The following ARHGEF3 variants were observed in gnomAD, a reference collection of about 807,000 sequenced individuals.
ARHGEF3 encodes the protein 59.8 kDA protein.
In ARHGEF3, 28 loss-of-function variants were observed where a neutral mutation model predicts 63.2. That is an observed-to-expected ratio of 0.44 (90% CI 0.33 to 0.61). The LOEUF (loss-of-function observed/expected upper bound fraction) is 0.61. Ranked by LOEUF, ARHGEF3 falls within the 20% of genes least tolerant of loss-of-function variation. The pLI is 0.03. For missense variants in ARHGEF3, 533 were observed against 659.3 expected (o/e 0.81, Z 2.10); for synonymous variants, 266 against 254.2 (o/e 1.05, Z -0.44).
rs368022709 is a variant in ARHGEF3 at position 56,946,974 on chromosome 3, G to A, written c.129+11849C>T. 1.6e-4 allele frequency among the ~76,000 whole-genome samples: 25 copies of A among 152,180 alleles called. No individual in the cohort carries two copies. The East Asian group carries it at 2.5e-3, about 15-fold the overall frequency. ...CAGAAGAGAGTGGGGGCCAATATTC[G>A]ACATTCTTAAAGAAAAGAATTTCCA... is the stretch of plus-strand genomic sequence containing the variant. On this transcript the variant is annotated intron_variant, in intron 3 of 12. Coordinates refer to the ARHGEF3 transcript ENST00000338458.
chr3:57,050,189 C>T (rs544651898), intron 1 of ARHGEF3, among the ~76,000 whole-genome samples: 1 of 152,328 alleles, frequency 6.6e-6, no homozygotes, highest in Admixed American at 6.5e-5. Flanking sequence ...CCATTACCAC[C>T]TGCAGTATTG....
intron 4 of ARHGEF3, among the ~76,000 whole-genome samples, chr3:56,844,413 T>C (rs953427829): frequency 1.3e-5 from 2 of 152,216 alleles, no homozygotes; most frequent in Non-Finnish European, 2.9e-5. Context: ...ACTAAGCATA[T>C]TGTCTGGAAT....
At chr3:56,941,691 A>C (rs1699196333) in intron 3 of ARHGEF3, among the ~76,000 whole-genome samples, 2 of 152,214 alleles carry the variant, frequency 1.3e-5, no homozygotes, top group South Asian at 4.1e-4. Flanking sequence ...GACTTTATAA[A>C]AAATATGTAA....
chr3:57,040,501 A>AGAAAAGAAAAGAAAAGAAAAGG (rs1704140059), intron 1 of ARHGEF3, among the ~76,000 whole-genome samples: 5 of 134,710 alleles, frequency 3.7e-5, no homozygotes, highest in African/African-American at 1.4e-4. Flanking sequence ...AAAGAAAAGA[A>AGAAAAGAAAAGAAAAGAAAAGG]AATACCAAAA....
intron 2 of ARHGEF3, among the ~76,000 whole-genome samples, chr3:57,001,524 C>T (rs978276676): frequency 6.6e-6 from 1 of 152,206 alleles, no homozygotes; most frequent in Non-Finnish European, 1.5e-5. Flanking sequence ...TGCAATTCAA[C>T]ATTCTTACCT....
At chr3:56,990,903 G>T (rs1701722488) in intron 2 of ARHGEF3, among the ~76,000 whole-genome samples, 1 of 152,172 alleles carries the variant, frequency 6.6e-6, no homozygotes, top group Non-Finnish European at 1.5e-5. Context: ...GGTCAGGTGA[G>T]GGGTGAGCGT....
At chr3:57,024,802 T>C (rs143156885) in intron 2 of ARHGEF3, among the ~76,000 whole-genome samples, 3 of 152,236 alleles carry the variant, frequency 2.0e-5, no homozygotes, top group African/African-American at 7.2e-5. Context: ...CAGTTTTTTA[T>C]TACAAATGCT....
intron 4 of ARHGEF3, among the ~76,000 whole-genome samples, chr3:56,847,761 A>T (rs1188223452): frequency 6.6e-6 from 1 of 152,188 alleles, no homozygotes; most frequent in Non-Finnish European, 1.5e-5. Flanking sequence ...TATTTTTAGT[A>T]GAGACAGGGT....
chr3:57,002,216 A>G (rs916774402), intron 2 of ARHGEF3, among the ~76,000 whole-genome samples: 1 of 150,996 alleles, frequency 6.6e-6, no homozygotes, highest in Non-Finnish European at 1.5e-5. Context: ...CGGCTGACAT[A>G]GTATTTTTAA....
At chr3:56,750,475 T>C (rs1578409027) in intron 6 of ARHGEF3, among the ~76,000 whole-genome samples, 1 of 152,214 alleles carries the variant, frequency 6.6e-6, no homozygotes, top group Non-Finnish European at 1.5e-5. Flanking sequence ...TATAAATTAC[T>C]TAGCATGGTA....
At chr3:56,770,067 C>A (rs1051479203) in intron 2 of ARHGEF3, among the ~76,000 whole-genome samples, 9 of 152,174 alleles carry the variant, frequency 5.9e-5, no homozygotes, top group African/African-American at 2.2e-4. Context: ...CCACTGAGCA[C>A]CCCTTTGGGG....
intron 1 of ARHGEF3, among the ~76,000 whole-genome samples, chr3:57,047,325 T>C (rs985648562): frequency 3.3e-5 from 5 of 152,062 alleles, no homozygotes; most frequent in African/African-American, 1.2e-4. Flanking sequence ...TCAGCCTGGG[T>C]GACAGAATAA....
chr3:57,030,211 C>T (rs1579126183), intron 2 of ARHGEF3, among the ~76,000 whole-genome samples: 1 of 152,242 alleles, frequency 6.6e-6, no homozygotes, highest in Non-Finnish European at 1.5e-5. Flanking sequence ...TCCACCAGAG[C>T]CACACACGGG....
intron 2 of ARHGEF3, among the ~76,000 whole-genome samples, chr3:57,018,073 G>A (rs1703095672): frequency 6.6e-6 from 1 of 150,438 alleles, no homozygotes; most frequent in South Asian, 2.1e-4. Context: ...GAGGTCAGGA[G>A]TTTGAGACCA....
Position 57,072,882 on chromosome 3 carries a change from T to C in ARHGEF3, c.-28+6344A>G, listed in dbSNP as rs1706000297. Among the ~76,000 whole-genome samples the C allele has an allele frequency of 2.6e-5, 4 of 151,614 alleles. No homozygotes were observed. The South Asian group carries it at 8.4e-4, about 32-fold the overall frequency. On this transcript the variant is annotated intron_variant, in intron 1 of 12. Coordinates refer to the ARHGEF3 transcript ENST00000338458. ...CAAGATGGTGAAACCCCATCTCTACTAAAAAATACAAAAATTAGCAAGGCG... is the reference window on the plus strand; with the variant it reads ...CAAGATGGTGAAACCCCATCTCTACCAAAAAATACAAAAATTAGCAAGGCG...
chr3:56,901,912 A>G (rs185230447), intron 3 of ARHGEF3, among the ~76,000 whole-genome samples: 2 of 152,284 alleles, frequency 1.3e-5, no homozygotes, highest in African/African-American at 2.4e-5. Flanking sequence ...CTCATGGCCA[A>G]TGACACCATA....
chr3:56,827,370 CA>C (rs1343059024), intron 4 of ARHGEF3, among the ~76,000 whole-genome samples: 1 of 152,076 alleles, frequency 6.6e-6, no homozygotes, highest in African/African-American at 2.4e-5. Context: ...TAAGAGATAG[CA>C]GGGTGTTTAT....
intron 3 of ARHGEF3, among the ~76,000 whole-genome samples, chr3:56,948,286 A>G (rs923252284): frequency 6.6e-6 from 1 of 152,230 alleles, no homozygotes; most frequent in African/African-American, 2.4e-5. Flanking sequence ...ATCAGAGCAG[A>G]ACTGAAGGAG....
chr3:56,732,437 A>T lies in ARHGEF3; in HGVS notation c.1042-13T>A. 1 of 1,614,090 alleles carries T rather than the reference A, an allele frequency of 6.2e-7. No individual in the cohort carries two copies. The highest frequency in any genetic ancestry group is 1.1e-5 in the South Asian group (1 of 91,076). ...AAACATGCAGTTTCTAGAAGAAAAA[A>T]ATCCACAAGCTTTCATTAAGCAATA... is the stretch of plus-strand genomic sequence containing the variant. On this transcript the variant is annotated splice_polypyrimidine_tract_variant and intron_variant, in intron 8 of 9. Transcript: ENST00000296315.
Sources: allele counts gnomAD v4.1 joint callset (sites outside exome capture counted in the v4.1 genomes callset), GRCh38; gene constraint gnomAD v4.1.1; transcripts MANE v1.5; gene names NCBI Gene and HGNC (gene_info 2026-07-23, HGNC 2026-07-21).